The following GTF2A1L variants were observed in gnomAD, a reference collection of about 807,000 sequenced individuals.
GTF2A1L encodes TFIIA-alpha and beta-like factor.
A neutral mutation model predicts 49.7 loss-of-function variants in GTF2A1L; 48 were observed. The observed-to-expected ratio is 0.97, with a 90% CI of 0.77 to 1.23. The LOEUF is 1.23. Ranked by LOEUF, GTF2A1L falls within the 50% of genes most tolerant of loss-of-function variation. The pLI, the probability that GTF2A1L is intolerant of heterozygous loss-of-function variation, is 0.00. For missense variants in GTF2A1L, 736 were observed against 564.8 expected, an observed-to-expected ratio of 1.30 and a Z score of -3.07; for synonymous variants, 246 against 193.5, an observed-to-expected ratio of 1.27 and a Z score of -2.25.
At chr2:48,652,999 G>A (rs1430863573) in intron 6 of GTF2A1L, among the ~76,000 whole-genome samples, 2 of 151,948 alleles carry the variant, frequency 1.3e-5, no homozygotes, top group Non-Finnish European at 2.9e-5. Context: ...GGAGGCTGAG[G>A]CGGGTGGATC....
At chr2:48,653,036 T>C (rs1677952050) in intron 6 of GTF2A1L, among the ~76,000 whole-genome samples, 1 of 151,810 alleles carries the variant, frequency 6.6e-6, no homozygotes, top group Non-Finnish European at 1.5e-5. Flanking sequence ...AAGATCATTC[T>C]GGCTAACATG....
chr2:48,624,483 G>C (rs1165184731), intron 3 of GTF2A1L, among the ~76,000 whole-genome samples: 1 of 143,898 alleles, frequency 6.9e-6, no homozygotes, highest in African/African-American at 2.5e-5. Flanking sequence ...TAGATAGATA[G>C]ATAGTGAAGA....
intron 3 of GTF2A1L, among the ~76,000 whole-genome samples, chr2:48,625,843 A>G (rs1482144497): frequency 7.0e-6 from 1 of 143,810 alleles, no homozygotes; most frequent in African/African-American, 2.5e-5. Context: ...TCGGCCTCCC[A>G]AAGTGCTGGG....
At chr2:48,655,468 G>C (rs572329039) in intron 6 of GTF2A1L, among the ~76,000 whole-genome samples, 4 of 151,944 alleles carry the variant, frequency 2.6e-5, no homozygotes, top group Admixed American at 2.6e-4. Flanking sequence ...TGGGATTATA[G>C]ACGTATGAGC....
intron 7 of GTF2A1L, among the ~76,000 whole-genome samples, chr2:48,670,402 A>G (rs1371383071): frequency 6.6e-6 from 1 of 152,056 alleles, no homozygotes; most frequent in Non-Finnish European, 1.5e-5. Context: ...GACTTATTAT[A>G]TGCTTGGATT....
chr2:48,677,559 G>C (rs1679538372), intron 8 of GTF2A1L, among the ~76,000 whole-genome samples: 1 of 151,956 alleles, frequency 6.6e-6, no homozygotes, highest in African/African-American at 2.4e-5. Flanking sequence ...TTAGTTTTTG[G>C]ATGGGAAGTC....
At chr2:48,650,405 A>G (rs1432045796) in intron 6 of GTF2A1L, among the ~76,000 whole-genome samples, 1 of 152,202 alleles carries the variant, frequency 6.6e-6, no homozygotes. Context: ...TGATTGTAAT[A>G]TATAGTCAAG....
chr2:48,664,510 G>A (rs1441729359), intron 6 of GTF2A1L, among the ~76,000 whole-genome samples: 2 of 152,080 alleles, frequency 1.3e-5, no homozygotes, highest in South Asian at 2.1e-4. Context: ...TGTTCATGAG[G>A]AGTACTGGTC....
chr2:48,677,099 A>G (rs1679508870), intron 8 of GTF2A1L, among the ~76,000 whole-genome samples: 1 of 151,480 alleles, frequency 6.6e-6, no homozygotes, highest in Admixed American at 6.6e-5. Flanking sequence ...GGCCTATGCT[A>G]CTCTGATTTA....
At chr2:48,639,792 A>C (rs887980783) in intron 3 of GTF2A1L, among the ~76,000 whole-genome samples, 1 of 152,190 alleles carries the variant, frequency 6.6e-6, no homozygotes, top group Non-Finnish European at 1.5e-5. Flanking sequence ...TTTGCAAACT[A>C]TGTATCTGAC....
intron 6 of GTF2A1L, among the ~76,000 whole-genome samples, chr2:48,663,393 A>G (rs6728351): frequency 0.98 from 148,724 of 152,246 alleles, 72,662 homozygotes; most frequent in East Asian, 1. Context: ...CTGAGATTGG[A>G]CCACTGCATT....
chr2:48,620,857 C>T lies in GTF2A1L; in HGVS notation c.28C>T (p.Leu10Phe). ...AACAATTGCTTTTATGTAGCCTAAA[C>T]TCTACAGATCTGTAATTGAAGATGT... MACLNPVPKLYRSVIEDVIE... is the reference protein window; with the variant it reads MACLNPVPKFYRSVIEDVIE... Residue 10 changes from leucine (L) to phenylalanine (F), a missense_variant, in exon 2 of 9, where the codon CTC becomes TTC. By Grantham distance (22) the Leu-to-Phe change is conservative. Transcript: ENST00000403751. The T allele has an allele frequency of 1.3e-6, 2 of 1,516,340 alleles. No individual in the cohort carries two copies. Among genetic ancestry groups the T allele is most frequent in the Non-Finnish European group, 1.8e-6 (2 of 1,133,070 alleles). The allele number at this position is 1,516,340 out of a possible 1,614,324, so 93.9% of individuals were successfully genotyped here.
intron 1 of GTF2A1L, among the ~76,000 whole-genome samples, chr2:48,619,680 T>C (rs981449519): frequency 6.6e-6 from 1 of 152,180 alleles, no homozygotes; most frequent in Non-Finnish European, 1.5e-5. Context: ...TTGCTGTTTC[T>C]TGCCGGTGGA....
rs190115034 is a variant in GTF2A1L at position 48,646,179 on chromosome 2, A to T, written c.389-274A>T. On this transcript the variant is annotated intron_variant, in intron 5 of 8. Coordinates refer to ENST00000403751, the MANE Select transcript of GTF2A1L (RefSeq NM_006872.5). ...CATGGATTAAATATTGGTGTCCTTT[A>T]TGTATCTCAAAGTGTGCCATAAAAG... Among the ~76,000 whole-genome samples the T allele has an allele frequency of 1.6e-4, 24 of 152,212 alleles. No individual in the cohort carries two copies. In the East Asian group the frequency reaches 3.5e-3, roughly 22 times the overall value.
At chr2:48,641,668 T>G (rs143118899) in intron 3 of GTF2A1L, among the ~76,000 whole-genome samples, 1 of 152,336 alleles carries the variant, frequency 6.6e-6, no homozygotes, top group East Asian at 1.9e-4. Flanking sequence ...GTAGTTATTA[T>G]TTTTTCTTTA....
intron 6 of GTF2A1L, among the ~76,000 whole-genome samples, chr2:48,657,009 G>A (rs927987986): frequency 1.3e-5 from 2 of 152,052 alleles, no homozygotes; most frequent in African/African-American, 4.8e-5. Context: ...TTTATGTAAC[G>A]GTTTGTTGCT....
chr2:48,674,243 T>A (rs1679335174), intron 8 of GTF2A1L, among the ~76,000 whole-genome samples: 1 of 152,210 alleles, frequency 6.6e-6, no homozygotes, highest in Non-Finnish European at 1.5e-5. Flanking sequence ...TTTCAATTTC[T>A]CCACATCCTG....
intron 3 of GTF2A1L, among the ~76,000 whole-genome samples, chr2:48,634,084 C>G (rs1000736822): frequency 1.3e-5 from 2 of 151,930 alleles, no homozygotes; most frequent in African/African-American, 4.8e-5. Flanking sequence ...GTGTTTAGAC[C>G]ATTTACATTC....
intron 3 of GTF2A1L, among the ~76,000 whole-genome samples, chr2:48,624,390 G>C (rs1676186339): frequency 1.4e-5 from 2 of 143,962 alleles, no homozygotes; most frequent in Non-Finnish European, 3.1e-5. Context: ...GCAGAAATGA[G>C]CTGGATTCTT....
Sources: gnomAD v4.1 joint callset for allele counts (sites outside exome capture counted in the v4.1 genomes callset) on GRCh38, gnomAD v4.1.1 for gene constraint, MANE v1.5 for transcripts, NCBI Gene and HGNC (gene_info 2026-07-23, HGNC 2026-07-21) for gene names.